The following PTPRD variants were observed in gnomAD, a reference collection of about 807,000 sequenced individuals.
PTPRD encodes receptor-type tyrosine-protein phosphatase delta.
A neutral mutation model predicts 214.5 loss-of-function variants in PTPRD; 34 were observed. That is an observed-to-expected ratio of 0.16 (90% CI 0.12 to 0.21). PTPRD has a LOEUF of 0.21. Among genes scored for constraint, PTPRD ranks in the 10% least tolerant of loss-of-function variants. PTPRD has a pLI of 1.00. For missense variants in PTPRD, 2,545 were observed against 2,398.7 expected (o/e 1.06, Z -1.27); for synonymous variants, 1,128 against 845.7 (o/e 1.33, Z -5.79).
At chr9:8,758,044 T>G (rs1236195549) in intron 11 of PTPRD, among the ~76,000 whole-genome samples, 1 of 152,226 alleles carries the variant, frequency 6.6e-6, no homozygotes, top group Non-Finnish European at 1.5e-5. Context: ...ATCTCCGTGC[T>G]TCAACTTCCA....
At chr9:9,337,719 T>C (rs560098828) in intron 9 of PTPRD, among the ~76,000 whole-genome samples, 1 of 152,316 alleles carries the variant, frequency 6.6e-6, no homozygotes, top group Non-Finnish European at 1.5e-5. Context: ...GCCAGTTGGC[T>C]TTCCTCAACG....
At chr9:10,126,945 A>AG (rs2098824416) in intron 3 of PTPRD, among the ~76,000 whole-genome samples, 1 of 104,828 alleles carries the variant, frequency 9.5e-6, no homozygotes, top group Admixed American at 9.5e-5. Flanking sequence ...TCTCAAATGG[A>AG]CTTTTTTTTT....
chr9:9,397,176 A>G (rs924875759), intron 9 of PTPRD, among the ~76,000 whole-genome samples: 1 of 152,036 alleles, frequency 6.6e-6, no homozygotes, highest in Admixed American at 6.6e-5. Context: ...ACAACAGGAT[A>G]TTACTTTTCT....
At chr9:9,893,260 A>T (rs894863228) in intron 5 of PTPRD, among the ~76,000 whole-genome samples, 3 of 152,008 alleles carry the variant, frequency 2.0e-5, no homozygotes, top group African/African-American at 7.2e-5. Context: ...GGACAAGATC[A>T]AATCTACACA....
intron 9 of PTPRD, among the ~76,000 whole-genome samples, chr9:9,256,323 T>G (rs2131851575): frequency 6.6e-6 from 1 of 152,142 alleles, no homozygotes; most frequent in Non-Finnish European, 1.5e-5. Context: ...CAAATCACAT[T>G]ATCTTTCCTT....
intron 8 of PTPRD, among the ~76,000 whole-genome samples, chr9:9,517,524 A>C (rs977507803): frequency 6.6e-6 from 1 of 152,062 alleles, no homozygotes; most frequent in Admixed American, 6.6e-5. Flanking sequence ...CTGCACTAAT[A>C]AATAAACAGT....
At chr9:9,320,965 G>A (rs570773985) in intron 9 of PTPRD, among the ~76,000 whole-genome samples, 9 of 152,104 alleles carry the variant, frequency 5.9e-5, no homozygotes, top group African/African-American at 9.7e-5. Context: ...AACAGACCTT[G>A]CCTGCTTGCC....
At chr9:8,581,138 A>T (rs2154251418) in intron 14 of PTPRD, among the ~76,000 whole-genome samples, 1 of 152,156 alleles carries the variant, frequency 6.6e-6, no homozygotes, top group South Asian at 2.1e-4. Context: ...GCTGGAACAG[A>T]GAGTCAAGTT....
In PTPRD at chr9:9,000,961, C is replaced by T. The variant is rs72692817; in HGVS notation, c.-104+17736G>A. 6.4e-3 allele frequency among the ~76,000 whole-genome samples: 978 copies of T among 152,030 alleles called. 11 individuals are homozygous for T. Among genetic ancestry groups the T allele is most frequent in the Non-Finnish European group, 0.01 (696 of 67,938 alleles). On this transcript the variant is annotated intron_variant, in intron 11 of 45. Transcript: ENST00000381196. ...AGTCATACCTTAACCATACAAACAG[C>T]TACAGCAAAGCACGCACAGCCAGCA...
At chr9:10,281,331 T>C (rs1564997003) in intron 3 of PTPRD, among the ~76,000 whole-genome samples, 1 of 147,860 alleles carries the variant, frequency 6.8e-6, no homozygotes, top group Non-Finnish European at 1.5e-5. Context: ...TTGCTACATA[T>C]TGAAATCATG....
chr9:9,475,644 T>C (rs10977801), intron 8 of PTPRD, among the ~76,000 whole-genome samples: 11,882 of 152,252 alleles, frequency 0.078, 547 homozygotes, highest in Non-Finnish European at 0.1. Flanking sequence ...GTAGGGATCA[T>C]GTCACCTCAT....
intron 7 of PTPRD, among the ~76,000 whole-genome samples, chr9:9,729,108 T>C (rs1042734211): frequency 2.6e-5 from 4 of 152,164 alleles, no homozygotes; most frequent in Admixed American, 6.6e-5. Flanking sequence ...AGCTCCCATT[T>C]CCGTTTGAGT....
At chr9:9,304,517 C>T (rs1435028128) in intron 9 of PTPRD, among the ~76,000 whole-genome samples, 1 of 151,904 alleles carries the variant, frequency 6.6e-6, no homozygotes, top group Non-Finnish European at 1.5e-5. Flanking sequence ...GGATGTGGAA[C>T]TTGGAGCATT....
intron 11 of PTPRD, among the ~76,000 whole-genome samples, chr9:8,871,143 T>C (rs567689585): frequency 1.9e-3 from 292 of 152,276 alleles, no homozygotes; most frequent in Non-Finnish European, 3.8e-3. Flanking sequence ...GTACAAATGT[T>C]CCCATCATTC....
intron 11 of PTPRD, among the ~76,000 whole-genome samples, chr9:8,833,829 G>A (rs1418154776): frequency 2.6e-5 from 4 of 151,048 alleles, no homozygotes; most frequent in African/African-American, 9.7e-5. Context: ...TTCCAGACTG[G>A]TTGCTTGGTT....
intron 4 of PTPRD, among the ~76,000 whole-genome samples, chr9:9,983,285 G>C (rs2095605822): frequency 6.6e-6 from 1 of 152,202 alleles, no homozygotes; most frequent in Admixed American, 6.5e-5. Context: ...ACTTAGAATA[G>C]TTCCACAGCA....
In PTPRD at chr9:9,700,692, G is replaced by A. The variant is rs540446093; in HGVS notation, c.-287+33841C>T. Among the ~76,000 whole-genome samples, 18 of 152,094 alleles carry A rather than the reference G, an allele frequency of 1.2e-4. No individual in the cohort carries two copies. In the South Asian group the frequency reaches 3.5e-3, roughly 30 times the overall value. The stretch of plus-strand genomic sequence containing the variant: ...CCTCATTGTGTATACAATATAATAT[G>A]TAATTCCTTATTGCTTATATAACCA... On this transcript the variant is annotated intron_variant, in intron 7 of 45. Coordinates refer to ENST00000381196, the MANE Select transcript of PTPRD (RefSeq NM_002839.4).
At chr9:8,408,624 G>A (rs77208823) in intron 35 of PTPRD, among the ~76,000 whole-genome samples, 1,575 of 152,208 alleles carry the variant, frequency 0.01, 24 homozygotes, top group Admixed American at 0.043. Context: ...ATGCTACTTC[G>A]TCGTATTTTT....
At chr9:9,356,518 G>A (rs2138665805) in intron 9 of PTPRD, among the ~76,000 whole-genome samples, 1 of 151,466 alleles carries the variant, frequency 6.6e-6, no homozygotes, top group African/African-American at 2.4e-5. Flanking sequence ...GCCACCATTT[G>A]CAATAGATTT....
Sources: gnomAD v4.1 joint callset for allele counts (sites outside exome capture counted in the v4.1 genomes callset) on GRCh38, gnomAD v4.1.1 for gene constraint, MANE v1.5 for transcripts, NCBI Gene and HGNC (gene_info 2026-07-23, HGNC 2026-07-21) for gene names.